Variants in RFT1 observed in about 807,000 individuals in gnomAD.
RFT1 encodes RFT1 glycolipid translocator homolog.
A neutral mutation model predicts 62.2 loss-of-function variants in RFT1; 43 were observed. The observed-to-expected ratio is 0.69, with a 90% confidence interval of 0.54 to 0.89. The LOEUF (loss-of-function observed/expected upper bound fraction) is 0.89, where lower values mean the gene tolerates loss of function less well. Ranked by LOEUF, RFT1 falls within the 40% of genes least tolerant of loss-of-function variation. The probability of loss-of-function intolerance (pLI) is 0.00; values close to 1 mark genes in which losing one functional copy is unlikely to be tolerated. For missense variants in RFT1, 605 were observed against 649.9 expected (o/e 0.93, Z 0.75); for synonymous variants, 262 against 264.6 (o/e 0.99, Z 0.10).
chr3:53,076,127 C>A, the RFT1 span, among the ~76,000 whole-genome samples: 10 of 152,370 alleles, frequency 6.6e-5, no homozygotes, highest in Middle Eastern at 3.4e-3. Context: ...GTTAAACCCA[C>A]AAAGTGGTCC....
intron 6 of RFT1, among the ~76,000 whole-genome samples, chr3:53,113,440 A>C (rs1701706955): frequency 6.6e-6 from 1 of 152,208 alleles, no homozygotes; most frequent in South Asian, 2.1e-4. Flanking sequence ...ACAAAGGCCA[A>C]GCCCACTCTA....
the RFT1 span, among the ~76,000 whole-genome samples, chr3:53,078,556 T>C: frequency 1.7e-4 from 26 of 151,988 alleles, no homozygotes; most frequent in African/African-American, 5.3e-4. Context: ...CTGGGCAACA[T>C]AGTGAGACCC....
At chr3:53,113,013 TTTTTG>T (rs1701695056) in intron 6 of RFT1, among the ~76,000 whole-genome samples, 1 of 152,160 alleles carries the variant, frequency 6.6e-6, no homozygotes, top group East Asian at 1.9e-4. Flanking sequence ...GGTGTTTGGT[TTTTTG>T]TTTTGTTTTG....
chr3:53,112,447 T>G (rs1288263559), intron 6 of RFT1, among the ~76,000 whole-genome samples: 3 of 152,158 alleles, frequency 2.0e-5, no homozygotes. Flanking sequence ...GATATGACTC[T>G]TCTAAAACTC....
intron 10 of RFT1, among the ~76,000 whole-genome samples, chr3:53,100,757 C>T (rs1468781183): frequency 6.6e-6 from 1 of 152,120 alleles, no homozygotes; most frequent in Non-Finnish European, 1.5e-5. Flanking sequence ...CTTCTGATTT[C>T]TCTTTGTCTC....
At chr3:53,125,331 C>T (rs1402638116) in intron 2 of RFT1, among the ~76,000 whole-genome samples, 3 of 152,170 alleles carry the variant, frequency 2.0e-5, no homozygotes, top group East Asian at 1.9e-4. Flanking sequence ...ACAAAATATG[C>T]GTGGGTGTCC....
chr3:53,087,092 G>A (rs1700870564), downstream of RFT1, among the ~76,000 whole-genome samples: 1 of 152,192 alleles, frequency 6.6e-6, no homozygotes, highest in South Asian at 2.1e-4. Context: ...ACAAAAATTA[G>A]CCAGGTGTGG....
the RFT1 span, among the ~76,000 whole-genome samples, chr3:53,082,456 T>C: frequency 6.6e-5 from 10 of 151,718 alleles, no homozygotes; most frequent in South Asian, 2.1e-4. Context: ...GCCTGGGTGA[T>C]AGAGCAAGAC....
chr3:53,109,400 T>C (rs939271538), intron 7 of RFT1, among the ~76,000 whole-genome samples: 6 of 152,206 alleles, frequency 3.9e-5, no homozygotes, highest in African/African-American at 1.4e-4. Flanking sequence ...GGTGAGAGAA[T>C]GAAATGCCTG....
intron 2 of RFT1, among the ~76,000 whole-genome samples, chr3:53,124,476 A>C (rs1030877317): frequency 1.3e-5 from 2 of 152,188 alleles, no homozygotes; most frequent in African/African-American, 4.8e-5. Flanking sequence ...GGGTTGTCCA[A>C]GGATTATCCT....
intron 10 of RFT1, chr3:53,103,352 T>C (rs1037480502): frequency 1.1e-6 from 1 of 871,512 alleles, no homozygotes; most frequent in Non-Finnish European, 1.4e-6. Context: ...ATTTTGAAAT[T>C]GATGAAGTCC....
the RFT1 span, among the ~76,000 whole-genome samples, chr3:53,067,374 A>T: frequency 1.3e-5 from 2 of 152,140 alleles, no homozygotes; most frequent in African/African-American, 4.8e-5. Flanking sequence ...AATAAAAAAC[A>T]TTGTATTGAT....
the RFT1 span, among the ~76,000 whole-genome samples, chr3:53,082,530 G>A: frequency 6.6e-6 from 1 of 151,848 alleles, no homozygotes; most frequent in Non-Finnish European, 1.5e-5. Flanking sequence ...ATAGAGGGGG[G>A]AAATTAGCCC....
chr3:53,122,455 C>T lies in RFT1; in HGVS notation c.375G>A (p.Leu125=). ...GCTCCACCACTGCCGAGAGACCAAA[C>T]AGCACCACTCCAGTTGCATAGTGAG... is the stretch of plus-strand genomic sequence containing the variant. ...VVPHYATGVV[L]FGLSAVVELL... Residue 125 remains leucine (L), a synonymous_variant, in exon 4 of 13, where the codon CTG becomes CTA. Coordinates refer to ENST00000296292, the MANE Select transcript of RFT1 (RefSeq NM_052859.4). 8 of 1,614,088 alleles carry T rather than the reference C, an allele frequency of 5.0e-6. No individual in the cohort carries two copies. The highest frequency in any genetic ancestry group is 1.3e-5 in the African/African-American group (1 of 75,024).
At position 53,122,418 on chromosome 3, in the gene RFT1, G is replaced by T. The variant is rs1045604063; in HGVS notation, c.412C>A (p.Pro138Thr). ...TGTGCTTGTGCCAAGACCCAAAAGG[G>T]CTCTCCTAGAAGCTCCACCACTGCC... Reference protein sequence around the residue: ...LSAVVELLGEPFWVLAQAHMF... With the variant: ...LSAVVELLGETFWVLAQAHMF... Residue 138 changes from proline (P) to threonine (T), a missense_variant, in exon 4 of 13, where the codon CCC (proline) becomes ACC (threonine). Coordinates refer to ENST00000296292, the MANE Select transcript of RFT1 (RefSeq NM_052859.4). 75 of 1,613,796 alleles carry T rather than the reference G, an allele frequency of 4.6e-5. No individual in the cohort carries two copies. Among genetic ancestry groups the T allele is most frequent in the Non-Finnish European group, 5.9e-5 (70 of 1,179,980 alleles).
rs58829909 is a variant in RFT1 at position 53,108,693 on chromosome 3, T to A, written c.776-1824A>T. Among the ~76,000 whole-genome samples, 420 of 150,796 alleles carry A rather than the reference T, an allele frequency of 2.8e-3. 4 individuals are homozygous for A. The highest frequency in any genetic ancestry group is 9.7e-3 in the African/African-American group (393 of 40,562). ...CCAACACACCCAGCTTGCTTTCATA[T>A]CTTTAAATGGTTTTTTTTTTTTTTG... On this transcript the variant is annotated intron_variant, in intron 7 of 12. Transcript: ENST00000296292.
At chr3:53,113,917 G>A (rs1701720068) in intron 6 of RFT1, among the ~76,000 whole-genome samples, 1 of 152,120 alleles carries the variant, frequency 6.6e-6, no homozygotes, top group Non-Finnish European at 1.5e-5. Flanking sequence ...CCAGACACAG[G>A]GAGTGCAAGT....
intron 10 of RFT1, among the ~76,000 whole-genome samples, chr3:53,101,220 T>C (rs1488484925): frequency 6.6e-6 from 1 of 152,228 alleles, no homozygotes; most frequent in Non-Finnish European, 1.5e-5. Flanking sequence ...ACATTGCATT[T>C]TGCTTGTCAA....
At chr3:53,099,295 G>A in intron 11 of RFT1, 86 bp downstream of exon 11, 1 of 1,106,632 alleles carries the variant, frequency 9.0e-7, no homozygotes, top group South Asian at 1.3e-5. Flanking sequence ...GTAAATGCAT[G>A]TTCAGAACGA....
Sources: allele counts gnomAD v4.1 joint callset (sites outside exome capture counted in the v4.1 genomes callset), GRCh38; gene constraint gnomAD v4.1.1; transcripts MANE v1.5; gene names NCBI Gene and HGNC (gene_info 2026-07-23, HGNC 2026-07-21).